The following PTPRK variants were observed in gnomAD, a reference collection of about 807,000 sequenced individuals.
PTPRK encodes the protein receptor-type tyrosine-protein phosphatase kappa.
PTPRK carries 75 observed loss-of-function variants against 178.0 expected under a neutral mutation model. The observed-to-expected ratio is 0.42, with a 90% CI of 0.35 to 0.51. The LOEUF (loss-of-function observed/expected upper bound fraction) is 0.51. Ranked by LOEUF, PTPRK falls within the 20% of genes least tolerant of loss-of-function variation. The probability of loss-of-function intolerance (pLI) is 0.02; values close to 1 mark genes in which losing one functional copy is unlikely to be tolerated. For synonymous variants in PTPRK, 637 were observed against 620.6 expected (o/e 1.03, Z -0.39); for missense variants, 1,441 against 1,797.8 (o/e 0.80, Z 3.59).
chr6:128,518,826 T>TG (rs1025132271), intron 1 of PTPRK: 117 of 359,852 alleles, frequency 3.3e-4, no homozygotes, highest in African/African-American at 2.0e-3. Context: ...TGCCTGAATG[T>TG]ACGACACATG....
At chr6:128,260,684 A>G (rs1310536165) in intron 3 of PTPRK, among the ~76,000 whole-genome samples, 1 of 152,154 alleles carries the variant, frequency 6.6e-6, no homozygotes, top group Non-Finnish European at 1.5e-5. Context: ...ACCACAACAA[A>G]TTTGGAAGCA....
intron 7 of PTPRK, among the ~76,000 whole-genome samples, chr6:128,182,072 AGC>A (rs1469741431): frequency 6.6e-6 from 1 of 152,120 alleles, no homozygotes; most frequent in African/African-American, 2.4e-5. Context: ...GACATTAATT[AGC>A]TATAATAAAC....
intron 1 of PTPRK, among the ~76,000 whole-genome samples, chr6:128,518,535 C>A (rs1378947366): frequency 1.3e-5 from 2 of 152,272 alleles, no homozygotes; most frequent in African/African-American, 2.4e-5. Context: ...TTCAAACTTT[C>A]AATTAACAAA....
intron 3 of PTPRK, among the ~76,000 whole-genome samples, chr6:128,261,435 G>C (rs977467208): frequency 1.3e-5 from 2 of 152,032 alleles, no homozygotes; most frequent in African/African-American, 4.8e-5. Context: ...ACATTGACAG[G>C]TATATTTTAT....
intron 7 of PTPRK, among the ~76,000 whole-genome samples, chr6:128,107,098 T>C (rs887909208): frequency 2.6e-5 from 4 of 152,084 alleles, no homozygotes; most frequent in African/African-American, 9.7e-5. Context: ...ACTAATACAT[T>C]CTGATAAATA....
chr6:127,990,783 A>C lies in PTPRK; in HGVS notation c.3082T>G (p.Phe1028Val). ...EPLAEYVVRT[F>V]TLERRGYNEI... Reference sequence around the variant, plus strand: ...AGAGTACTTACCCTTTCCAGGGTGAATGTCCTAACTACATATTCAGCAAGT... The same window carrying C: ...AGAGTACTTACCCTTTCCAGGGTGACTGTCCTAACTACATATTCAGCAAGT... The change falls in exon 21 of 30, where the codon TTC becomes GTC. Residue 1028 changes from phenylalanine (F) to valine (V), a missense_variant. By Grantham distance (50) the Phe-to-Val change is conservative. Around this residue, in one of 4 missense-constraint regions of PTPRK, gnomAD observed 945 missense variants for 1,080.6 expected, o/e 0.87. Transcript: ENST00000368226. The C allele has an allele frequency of 6.2e-7, 1 of 1,601,570 alleles. No homozygotes were observed. The highest frequency in any genetic ancestry group is 8.6e-7 in the Non-Finnish European group (1 of 1,169,178).
At chr6:128,298,936 G>C (rs914041663) in intron 3 of PTPRK, among the ~76,000 whole-genome samples, 15 of 152,264 alleles carry the variant, frequency 9.9e-5, no homozygotes, top group African/African-American at 3.4e-4. Context: ...AATTGTCCCT[G>C]TTTGCAGACG....
At chr6:128,339,791 C>A (rs1831424230) in intron 2 of PTPRK, among the ~76,000 whole-genome samples, 1 of 152,126 alleles carries the variant, frequency 6.6e-6, no homozygotes, top group South Asian at 2.1e-4. Flanking sequence ...CCAGAAACAG[C>A]TTGACCCTAA....
At chr6:128,369,921 C>T (rs950415272) in intron 2 of PTPRK, among the ~76,000 whole-genome samples, 1 of 151,850 alleles carries the variant, frequency 6.6e-6, no homozygotes, top group South Asian at 2.1e-4. Flanking sequence ...GAAAAAAAAA[C>T]ATTCAAACTT....
chr6:128,050,953 C>G (rs1430495557), intron 13 of PTPRK, among the ~76,000 whole-genome samples: 1 of 152,142 alleles, frequency 6.6e-6, no homozygotes, highest in East Asian at 1.9e-4. Flanking sequence ...CATTGTTCTT[C>G]AAGAATTTTC....
At chr6:128,218,143 C>A (rs1189369655) in intron 6 of PTPRK, among the ~76,000 whole-genome samples, 3 of 152,276 alleles carry the variant, frequency 2.0e-5, no homozygotes, top group Middle Eastern at 6.8e-3. Context: ...CATACCATGA[C>A]TTGATACTAC....
chr6:127,973,147 C>T lies in PTPRK; in HGVS notation c.4144G>A (p.Gly1382Arg), dbSNP rs746247295. ...RTIIHCLNGG[G>R]RSGMFCAIGI... ...ATAGCACAGAACATGCCACTTCGCC[C>T]GCCACCATTTCTGAAAGCAAAGAAA... Residue 1382 changes from glycine to arginine, a missense_variant, in exon 29 of 30, where the codon GGG (glycine) becomes AGG (arginine). By Grantham distance (125) the Gly-to-Arg change is moderately radical. Coordinates refer to ENST00000368226, the MANE Select transcript of PTPRK (RefSeq NM_002844.4). 6.3e-5 allele frequency: 102 copies of T among 1,613,382 alleles called. No homozygotes were observed. Among genetic ancestry groups the T allele is most frequent in the Middle Eastern group, 5.0e-4 (3 of 6,060 alleles).
chr6:128,219,593 G>T (rs1318169772), intron 5 of PTPRK, among the ~76,000 whole-genome samples: 1 of 152,186 alleles, frequency 6.6e-6, no homozygotes, highest in African/African-American at 2.4e-5. Flanking sequence ...GGGGGTTGGG[G>T]ACCCCTGCTC....
Position 128,287,990 on chromosome 6 carries a change from A to G in PTPRK, c.495+34049T>C, listed in dbSNP as rs534721593. ...ACTCCCTACCTACTTTCTATTTTTTATCATCTCCAACTAACTTGTCTTCCC... is the reference window on the plus strand; with the variant it reads ...ACTCCCTACCTACTTTCTATTTTTTGTCATCTCCAACTAACTTGTCTTCCC... On this transcript the variant is annotated intron_variant, in intron 3 of 29. Coordinates refer to ENST00000368226, the MANE Select transcript of PTPRK (RefSeq NM_002844.4). 3.3e-5 allele frequency among the ~76,000 whole-genome samples: 5 copies of G among 152,114 alleles called. No homozygotes were observed. The South Asian group carries it at 1.0e-3, about 32-fold the overall frequency.
At chr6:128,007,694 T>G (rs1778593630) in intron 14 of PTPRK, among the ~76,000 whole-genome samples, 1 of 150,934 alleles carries the variant, frequency 6.6e-6, no homozygotes, top group South Asian at 2.1e-4. Flanking sequence ...AACTGAATAG[T>G]TTAGCCCAAT....
At chr6:128,518,898 G>A (rs1292839166) in intron 1 of PTPRK, 1 of 444,326 alleles carries the variant, frequency 2.3e-6, no homozygotes, top group Non-Finnish European at 4.6e-6. Flanking sequence ...GGGGGTAGGA[G>A]AGCAATGGAA....
Position 128,428,480 on chromosome 6 carries a change from C to T in PTPRK, c.101-30792G>A, listed in dbSNP as rs1000072396. 3.9e-5 allele frequency among the ~76,000 whole-genome samples: 6 copies of T among 152,124 alleles called. No homozygotes were observed. In the East Asian group the frequency reaches 5.8e-4, roughly 15 times the overall value. ...GACAACGAGATGTTCATGGAGTCTA[C>T]GTTCCACAAGCAATGGCAGTTAGAT... On this transcript the variant is annotated intron_variant, in intron 1 of 29. Transcript: ENST00000368226.
intron 6 of PTPRK, among the ~76,000 whole-genome samples, chr6:128,200,804 AAGAG>A (rs1193642131): frequency 1.4e-5 from 2 of 145,860 alleles, no homozygotes; most frequent in African/African-American, 2.5e-5. Context: ...AAAAGACAGA[AAGAG>A]AGAGAGAAGA....
chr6:127,974,631 TA>T (rs1434172961), intron 27 of PTPRK, among the ~76,000 whole-genome samples: 2 of 152,174 alleles, frequency 1.3e-5, no homozygotes, highest in Non-Finnish European at 1.5e-5. Context: ...AATTTTGGCT[TA>T]AATACTACTA....
Sources: allele counts gnomAD v4.1 joint callset (sites outside exome capture counted in the v4.1 genomes callset), GRCh38; gene constraint gnomAD v4.1.1; regional missense constraint gnomAD v4.1.1; transcripts MANE v1.5; gene names NCBI Gene and HGNC (gene_info 2026-07-23, HGNC 2026-07-21).